LTAP1: variants seen among roughly 807,000 people sequenced by gnomAD.
LTAP1 encodes lipid transport auxiliary protein 1, also known as HCV NS5A-transactivated protein 4.
chr1:154,214,418 G>A, the LTAP1 span: 4 of 1,315,162 alleles, frequency 3.0e-6, no homozygotes, highest in Non-Finnish European at 4.4e-6. Flanking sequence ...TGGACTTGTG[G>A]GACTCCTCAC....
At chr1:154,208,305 AGGATC>A in the LTAP1 span, among the ~76,000 whole-genome samples, 1 of 152,080 alleles carries the variant, frequency 6.6e-6, no homozygotes, top group East Asian at 1.9e-4. Flanking sequence ...CTGAGGCAGG[AGGATC>A]GCTTGAACCC....
At chr1:154,207,619 C>T in the LTAP1 span, 7 of 1,610,732 alleles carry the variant, frequency 4.3e-6, no homozygotes, top group Admixed American at 1.7e-5. Context: ...CTGGTGATGT[C>T]GCTGAGAGCT....
the LTAP1 span, among the ~76,000 whole-genome samples, chr1:154,218,291 A>G: frequency 6.6e-6 from 1 of 152,232 alleles, no homozygotes; most frequent in South Asian, 2.1e-4. Context: ...GTTATTTTCC[A>G]AAGTGGTTTT....
the LTAP1 span, chr1:154,212,517 G>A: frequency 5.9e-3 from 9,558 of 1,614,168 alleles, 40 homozygotes; most frequent in Non-Finnish European, 7.0e-3. Flanking sequence ...AGTGCTTTGC[G>A]TACACCCTTG....
the LTAP1 span, among the ~76,000 whole-genome samples, chr1:154,216,820 T>C: frequency 2.0e-5 from 3 of 151,872 alleles, no homozygotes; most frequent in Admixed American, 6.6e-5. Context: ...GGCCCATTTT[T>C]AAACTTTTTA....
At chr1:154,212,134 G>C in the LTAP1 span, 66 of 667,924 alleles carry the variant, frequency 9.9e-5, 1 homozygote, top group South Asian at 1.1e-3. Context: ...TGGGATTATA[G>C]GCGTGAACCA....
the LTAP1 span, among the ~76,000 whole-genome samples, chr1:154,216,477 G>A: frequency 1.3e-5 from 2 of 151,804 alleles, no homozygotes; most frequent in Non-Finnish European, 2.9e-5. Context: ...TGGGGTTACA[G>A]GCACACACCA....
At chr1:154,219,783 T>A in the LTAP1 span, 2 of 1,314,064 alleles carry the variant, frequency 1.5e-6, no homozygotes, top group Non-Finnish European at 2.1e-6. Context: ...AATCTCATTC[T>A]TGACCCTAAA....
chr1:154,214,068 A>G, the LTAP1 span: 1 of 806,558 alleles, frequency 1.2e-6, no homozygotes, highest in East Asian at 2.9e-5. Flanking sequence ...ACCTGAGGTC[A>G]GGAGTTTGAG....
the LTAP1 span, chr1:154,220,154 T>C: frequency 1.3e-6 from 1 of 786,558 alleles, no homozygotes. Flanking sequence ...AAAGGGAGGG[T>C]TCTAGACTAA....
the LTAP1 span, among the ~76,000 whole-genome samples, chr1:154,209,647 C>T: frequency 6.6e-6 from 1 of 151,790 alleles, no homozygotes; most frequent in South Asian, 2.1e-4. Context: ...AGTGCAGTGG[C>T]GCGATCTTGG....
At chr1:154,220,400 G>T in the LTAP1 span, 1 of 1,614,218 alleles carries the variant, frequency 6.2e-7, no homozygotes, top group Non-Finnish European at 8.5e-7. Flanking sequence ...GTTACTGCCG[G>T]ACGCCATGGC....
At chr1:154,217,574 C>T in the LTAP1 span, among the ~76,000 whole-genome samples, 1 of 152,074 alleles carries the variant, frequency 6.6e-6, no homozygotes, top group African/African-American at 2.4e-5. Flanking sequence ...GCTCTGTCAC[C>T]CAGGCTGGAG....
At chr1:154,220,493 G>C in the LTAP1 span, 1 of 1,499,578 alleles carries the variant, frequency 6.7e-7, no homozygotes, top group Non-Finnish European at 9.3e-7. Context: ...GACGGCGCCT[G>C]GGTCCCCTGG....
At chr1:154,215,752 T>A in the LTAP1 span, among the ~76,000 whole-genome samples, 1 of 152,066 alleles carries the variant, frequency 6.6e-6, no homozygotes, top group Non-Finnish European at 1.5e-5. Context: ...GTAACATAGA[T>A]GTACATTTTA....
chr1:154,216,735 C>A, the LTAP1 span, among the ~76,000 whole-genome samples: 1 of 151,528 alleles, frequency 6.6e-6, no homozygotes, highest in Non-Finnish European at 1.5e-5. Context: ...AGGCTGGTCT[C>A]AAACTCCTGA....
At chr1:154,215,126 T>C in the LTAP1 span, among the ~76,000 whole-genome samples, 1 of 152,122 alleles carries the variant, frequency 6.6e-6, no homozygotes, top group Non-Finnish European at 1.5e-5. Flanking sequence ...ATTACAGGTG[T>C]GAGCTACTGC....
the LTAP1 span, among the ~76,000 whole-genome samples, chr1:154,208,789 T>C: frequency 1.3e-5 from 2 of 152,286 alleles, no homozygotes; most frequent in East Asian, 3.9e-4. Context: ...TTTTCTCTGT[T>C]GCTCAGGCTG....
the LTAP1 span, chr1:154,214,659 A>G: frequency 1.3e-6 from 1 of 770,146 alleles, no homozygotes; most frequent in Admixed American, 2.2e-5. Context: ...GTTAATGAAT[A>G]ACTAAGACAA....
Sources: allele counts gnomAD v4.1 joint callset (sites outside exome capture counted in the v4.1 genomes callset), GRCh38; gene constraint gnomAD v4.1.1; transcripts MANE v1.5; gene names NCBI Gene and HGNC (gene_info 2026-07-23, HGNC 2026-07-21).